The following CREBBP variants were observed in gnomAD, a reference collection of about 807,000 sequenced individuals.
CREBBP encodes the protein CREB binding lysine acetyltransferase, also known as CREB-binding protein.
CREBBP carries 19 observed loss-of-function variants against 265.0 expected under a neutral mutation model. The ratio of observed to expected loss-of-function variants is 0.07; its 90% CI spans 0.05 to 0.11. CREBBP has a LOEUF of 0.11. CREBBP is among the 10% of genes least tolerant of loss of function. CREBBP has a pLI of 1.00. For synonymous variants in CREBBP, 1,457 were observed against 1,223.7 expected (o/e 1.19, Z -3.98); for missense variants, 2,525 against 3,219.0 (o/e 0.78, Z 5.22).
intron 3 of CREBBP, among the ~76,000 whole-genome samples, chr16:3,803,110 T>C (rs2053751781): frequency 6.6e-6 from 1 of 152,092 alleles, no homozygotes; most frequent in African/African-American, 2.4e-5. Context: ...GCTATTTTCA[T>C]AGAGGAAATG....
intron 2 of CREBBP, among the ~76,000 whole-genome samples, chr16:3,844,434 G>A (rs928093373): frequency 1.4e-4 from 22 of 152,000 alleles, no homozygotes; most frequent in African/African-American, 5.1e-4. Context: ...ACATAGGTAG[G>A]TATCAAAAAG....
chr16:3,757,234 C>T (rs2151381524), intron 19 of CREBBP, 54 bp downstream of exon 19: 1 of 1,372,692 alleles, frequency 7.3e-7, no homozygotes, highest in Non-Finnish European at 1.0e-6. Context: ...AGACTATAAC[C>T]AGATGAACGT....
chr16:3,732,757 A>G (rs780397644), intron 28 of CREBBP, among the ~76,000 whole-genome samples: 10 of 151,682 alleles, frequency 6.6e-5, no homozygotes, highest in Non-Finnish European at 1.5e-4. Flanking sequence ...CTGAAGTGCA[A>G]TAACGCGATC....
At chr16:3,794,306 T>G (rs2053563600) in intron 3 of CREBBP, among the ~76,000 whole-genome samples, 1 of 110,830 alleles carries the variant, frequency 9.0e-6, no homozygotes, top group African/African-American at 3.5e-5. Flanking sequence ...CACTCCAGCC[T>G]GGGCGACAGA....
intron 13 of CREBBP, among the ~76,000 whole-genome samples, chr16:3,771,437 C>T (rs1465869766): frequency 6.6e-6 from 1 of 152,132 alleles, no homozygotes; most frequent in Non-Finnish European, 1.5e-5. Flanking sequence ...GAGCTATACA[C>T]TTGTAATGGG....
intron 17 of CREBBP, 46 bp downstream of exon 17, chr16:3,758,808 A>G (rs755287637): frequency 2.2e-6 from 3 of 1,377,254 alleles, no homozygotes; most frequent in Non-Finnish European, 3.1e-6. Flanking sequence ...GGACACTCAG[A>G]AGTCACACCA....
rs1196049779 is a variant in CREBBP, at chr16:3,736,081, C to T, written c.4683G>A (p.Glu1561=). 4 of 1,614,236 alleles carry T rather than the reference C, an allele frequency of 2.5e-6. No individual in the cohort carries two copies. Among genetic ancestry groups the T allele is most frequent in the African/African-American group, 1.3e-5 (1 of 75,064 alleles). Residue 1561 remains glutamate (E), a synonymous_variant, in exon 28 of 31, where the codon GAG becomes GAA. Coordinates refer to ENST00000262367, the MANE Select transcript of CREBBP (RefSeq NM_004380.3). ...CAGTGCTCTCTTCCTTTTTCCTCTC[C>T]TCTTCTTCTTGTTCTAGTTCCTTAA... ...ESIKELEQEE[E]ERKKEESTAA...
At chr16:3,834,731 A>G (rs1264630733) in intron 2 of CREBBP, among the ~76,000 whole-genome samples, 1 of 152,216 alleles carries the variant, frequency 6.6e-6, no homozygotes, top group African/African-American at 2.4e-5. Context: ...GTACCATTCT[A>G]GACAGCGGAG....
chr16:3,860,498 A>T (rs1248764302), intron 1 of CREBBP, among the ~76,000 whole-genome samples: 1 of 152,188 alleles, frequency 6.6e-6, no homozygotes, highest in African/African-American at 2.4e-5. Flanking sequence ...GACTGCTGGC[A>T]TGTGCCACTG....
chr16:3,783,599 T>A (rs565911345), intron 5 of CREBBP, among the ~76,000 whole-genome samples: 1 of 152,236 alleles, frequency 6.6e-6, no homozygotes, highest in Admixed American at 6.5e-5. Context: ...ACTTGATTGA[T>A]TGACTGACTG....
intron 2 of CREBBP, among the ~76,000 whole-genome samples, chr16:3,849,452 T>TGTGTGTGTGTGTGTGTG (rs2054772285): frequency 1.3e-5 from 1 of 76,226 alleles, no homozygotes; most frequent in Non-Finnish European, 3.1e-5. Flanking sequence ...TGTGTGTGTG[T>TGTGTGTGTGTGTGTGTG]GTGTGTGTGT....
At chr16:3,788,187 G>A (rs1269624618) in intron 5 of CREBBP, among the ~76,000 whole-genome samples, 1 of 152,158 alleles carries the variant, frequency 6.6e-6, no homozygotes, top group African/African-American at 2.4e-5. Context: ...GAAAACCCCT[G>A]GTCTCTCTCT....
At chr16:3,734,818 G>A (rs966563912) in intron 28 of CREBBP, among the ~76,000 whole-genome samples, 5 of 152,160 alleles carry the variant, frequency 3.3e-5, no homozygotes, top group Non-Finnish European at 5.9e-5. Context: ...CCCACGCTCC[G>A]CCTACAGCCC....
chr16:3,778,230 C>A (rs2141235215), intron 9 of CREBBP, 48 bp from the exon 10 acceptor site: 1 of 1,447,076 alleles, frequency 6.9e-7, no homozygotes, highest in Non-Finnish European at 9.7e-7. Flanking sequence ...CTGTAAAAAG[C>A]AACTGAATGA....
intron 2 of CREBBP, among the ~76,000 whole-genome samples, chr16:3,815,393 A>AGCTAG (rs1301561744): frequency 6.6e-6 from 1 of 151,962 alleles, no homozygotes; most frequent in East Asian, 1.9e-4. Flanking sequence ...TACAAAAATT[A>AGCTAG]GCTAGGCATG....
At chr16:3,848,121 G>C (rs2054707200) in intron 2 of CREBBP, among the ~76,000 whole-genome samples, 1 of 150,916 alleles carries the variant, frequency 6.6e-6, no homozygotes, top group Non-Finnish European at 1.5e-5. Flanking sequence ...AGTGAGCCCA[G>C]ATGGTGCCAC....
Position 3,771,089 on chromosome 16 carries a change from A to T in CREBBP, c.2464-103T>A, listed in dbSNP as rs2052997010. 13 of 1,207,734 alleles carry T rather than the reference A, an allele frequency of 1.1e-5. No homozygotes were observed. The South Asian group carries it at 1.3e-4, about 12-fold the overall frequency. The allele number at this position is 1,207,734 out of a possible 1,614,324, so 74.8% of individuals were successfully genotyped here. On this transcript the variant is annotated intron_variant, in intron 13 of 30. Coordinates refer to ENST00000262367, the MANE Select transcript of CREBBP (RefSeq NM_004380.3). ...TATGAAAAAAAAATTTTTTTTTTTGAGACAGTTTCACTCTTGTCGCCCAGG... is the reference window on the plus strand; with the variant it reads ...TATGAAAAAAAAATTTTTTTTTTTGTGACAGTTTCACTCTTGTCGCCCAGG...
Position 3,727,924 on chromosome 16 carries a change from G to A in CREBBP, c.7123C>T (p.His2375Tyr). ...PRIQPQPSPH[H>Y]VSPQTGSPHP... Reference sequence around the variant, plus strand: ...GGGGAACCAGTCTGGGGTGAGACGTGGTGTGGCGAAGGCTGGGGCTGTATC... The same window carrying A: ...GGGGAACCAGTCTGGGGTGAGACGTAGTGTGGCGAAGGCTGGGGCTGTATC... The change falls in exon 31 of 31, where the codon CAC (histidine) becomes TAC (tyrosine). Residue 2375 changes from histidine to tyrosine, a missense_variant. Physicochemically the swap from His to Tyr is moderately conservative, Grantham distance 83 (BLOSUM62 2). Coordinates refer to ENST00000262367, the MANE Select transcript of CREBBP (RefSeq NM_004380.3). The A allele has an allele frequency of 6.2e-7, 1 of 1,610,568 alleles. No homozygotes were observed. Among genetic ancestry groups the A allele is most frequent in the Non-Finnish European group, 8.5e-7 (1 of 1,177,660 alleles).
intron 2 of CREBBP, 65 bp downstream of exon 2, chr16:3,850,232 C>T (rs561911359): frequency 8.4e-6 from 13 of 1,543,702 alleles, no homozygotes; most frequent in African/African-American, 6.8e-5. Flanking sequence ...TCCCATTTTA[C>T]GCATTACTCG....
Sources: allele counts gnomAD v4.1 joint callset (sites outside exome capture counted in the v4.1 genomes callset), GRCh38; gene constraint gnomAD v4.1.1; transcripts MANE v1.5; gene names NCBI Gene and HGNC (gene_info 2026-07-23, HGNC 2026-07-21).